The following MINK1 variants were observed in gnomAD, a reference collection of about 807,000 sequenced individuals.
MINK1 encodes the protein misshapen like kinase 1, also known as misshapen-like kinase 1.
A neutral mutation model predicts 178.4 loss-of-function variants in MINK1; 46 were observed. The ratio of observed to expected loss-of-function variants is 0.26; its 90% CI spans 0.20 to 0.33. The LOEUF (loss-of-function observed/expected upper bound fraction) is 0.33. MINK1 is among the 10% of genes least tolerant of loss of function. The probability of loss-of-function intolerance (pLI) is 1.00; values close to 1 mark genes in which losing one functional copy is unlikely to be tolerated. For synonymous variants in MINK1, 797 were observed against 709.7 expected, an observed-to-expected ratio of 1.12 and a Z score of -1.96; for missense variants, 1,366 against 1,814.9, an observed-to-expected ratio of 0.75 and a Z score of 4.49.
Position 4,896,061 on chromosome 17 carries a change from T to C in MINK1, c.3423T>C (p.Tyr1141=). Residue 1141 remains tyrosine (Y), a synonymous_variant, in exon 28 of 32, where the codon TAT becomes TAC. Coordinates refer to ENST00000355280, the MANE Select transcript of MINK1 (RefSeq NM_153827.5). The surrounding 1 kb of genome is among the most constrained non-coding windows in gnomAD (Gnocchi z 4.6). ...VIALKSSVEV[Y]AWAPKPYHKF... is the part of the protein sequence containing the mutation. The stretch of plus-strand genomic sequence containing the variant: ...CCCTCAAGAGCTCCGTGGAGGTGTA[T>C]GCCTGGGCCCCCAAACCCTACCACA... 1 of 1,607,974 alleles carries C rather than the reference T, an allele frequency of 6.2e-7. No homozygotes were observed. Among genetic ancestry groups the C allele is most frequent in the Non-Finnish European group, 8.5e-7 (1 of 1,177,176 alleles).
chr17:4,870,164 G>A (rs368852944), intron 1 of MINK1, among the ~76,000 whole-genome samples: 3 of 151,160 alleles, frequency 2.0e-5, no homozygotes, highest in Non-Finnish European at 2.9e-5. Context: ...CACCTGCCTC[G>A]GCCTCCCAAA....
At chr17:4,850,841 CCCT>C (rs1178210517) in intron 1 of MINK1, among the ~76,000 whole-genome samples, 1 of 152,078 alleles carries the variant, frequency 6.6e-6, no homozygotes, top group Non-Finnish European at 1.5e-5. Context: ...ATTATCCAAC[CCCT>C]CATTACTAGT....
chr17:4,888,899 C>T (rs1356008452), intron 12 of MINK1, among the ~76,000 whole-genome samples: 1 of 151,982 alleles, frequency 6.6e-6, no homozygotes, highest in Non-Finnish European at 1.5e-5. Context: ...AGGGTTTCTG[C>T]ATGTTGGTCA....
intron 1 of MINK1, among the ~76,000 whole-genome samples, chr17:4,840,425 G>A (rs1202559046): frequency 6.6e-6 from 1 of 152,178 alleles, no homozygotes; most frequent in Non-Finnish European, 1.5e-5. Context: ...AAAGTTAAGA[G>A]CATGTATATG....
At position 4,878,343 on chromosome 17, in the gene MINK1, G is replaced by A. The variant is rs1967381121; in HGVS notation, c.84G>A (p.Val28=). The change falls in exon 2 of 32, where the codon GTG becomes GTA. Residue 28 remains valine (V), a synonymous_variant. Transcript: ENST00000355280. Reference sequence around the variant, plus strand: ...ACCCTGCTGGGATCTTTGAGCTTGTGGAGGTGGTCGGCAATGGAACCTACG... The same window carrying A: ...ACCCTGCTGGGATCTTTGAGCTTGTAGAGGTGGTCGGCAATGGAACCTACG... ...LRDPAGIFEL[V]EVVGNGTYGQ... 3 of 1,537,558 alleles carry A rather than the reference G, an allele frequency of 2.0e-6. No homozygotes were observed. The African/African-American group carries it at 4.1e-5, about 21-fold the overall frequency.
At position 4,896,349 on chromosome 17, in the gene MINK1, T is replaced by G; in HGVS notation, c.3615+7T>G. Reference sequence around the variant, plus strand: ...CATCTACATCCCTGTGCACGTGAGCTTGGCGGGGCTGCTGGGGGAGTGGGA... The same window carrying G: ...CATCTACATCCCTGTGCACGTGAGCGTGGCGGGGCTGCTGGGGGAGTGGGA... On this transcript the variant is annotated splice_region_variant and intron_variant, in intron 29 of 31. Coordinates refer to ENST00000355280, the MANE Select transcript of MINK1 (RefSeq NM_153827.5). This position sits in a 1 kb window ranked among gnomAD's most constrained non-coding sequence, Gnocchi z 4.6. 1 of 1,600,306 alleles carries G rather than the reference T, an allele frequency of 6.2e-7. No individual in the cohort carries two copies. Among genetic ancestry groups the G allele is most frequent in the African/African-American group, 1.3e-5 (1 of 74,876 alleles).
At chr17:4,890,882 AGGT>A in intron 14 of MINK1, 66 bp from the exon 15 acceptor site, 1 of 1,544,096 alleles carries the variant, frequency 6.5e-7, no homozygotes, top group Non-Finnish European at 8.8e-7. Flanking sequence ...TAGTTAGGGC[AGGT>A]GGGACCCTCA....
intron 1 of MINK1, chr17:4,859,471 A>C (rs1913765405): frequency 3.8e-6 from 1 of 266,084 alleles, no homozygotes; most frequent in Non-Finnish European, 5.8e-6. Flanking sequence ...AGGTAGAGCC[A>C]GGGGCACTTA....
intron 13 of MINK1, 187 bp from the exon 14 acceptor site, chr17:4,890,330 T>C: frequency 7.0e-7 from 1 of 1,423,518 alleles, no homozygotes. Context: ...CTCAGCGTCC[T>C]CTGGGAAGAT....
At position 4,836,827 on chromosome 17, in the gene MINK1, C is replaced by T. The variant is rs566934327; in HGVS notation, c.57+3187C>T. Among the ~76,000 whole-genome samples, 6 of 152,094 alleles carry T rather than the reference C, an allele frequency of 3.9e-5. No individual in the cohort carries two copies. In the East Asian group the frequency reaches 1.2e-3, roughly 29 times the overall value. Reference sequence around the variant, plus strand: ...TAGCATTCCCTTAGTCTGCTTTATCCTTCCTCATAGTATTTATCACCAGCT... The same window carrying T: ...TAGCATTCCCTTAGTCTGCTTTATCTTTCCTCATAGTATTTATCACCAGCT... On this transcript the variant is annotated intron_variant, in intron 1 of 31. Coordinates refer to ENST00000355280, the MANE Select transcript of MINK1 (RefSeq NM_153827.5). The surrounding 1 kb of genome is among the most constrained non-coding windows in gnomAD (Gnocchi z 4.3).
At chr17:4,892,797 T>C in intron 19 of MINK1, 29 bp downstream of exon 19, 1 of 1,567,410 alleles carries the variant, frequency 6.4e-7, no homozygotes, top group Non-Finnish European at 8.7e-7. Context: ...GGCAGCCTGC[T>C]CTGGGCCTGG....
chr17:4,889,677 C>A lies in MINK1; in HGVS notation c.1261C>A (p.Leu421Met). The change falls in exon 13 of 32, where the codon CTG becomes ATG. Residue 421 changes from leucine (L) to methionine (M), a missense_variant. Physicochemically the swap from Leu to Met is conservative, Grantham distance 15. Around this residue, in one of 14 missense-constraint regions of MINK1, gnomAD observed 87 missense variants for 78.9 expected, o/e 1.10. Coordinates refer to ENST00000355280, the MANE Select transcript of MINK1 (RefSeq NM_153827.5). ...QQRREREQRK[L>M]QEKEQQRRLE... ...GCGGCGGGAGCGGGAGCAGCGGAAG[C>A]TGCAGGAGAAGGAGCAGCAGCGGCG... The A allele has an allele frequency of 6.4e-7, 1 of 1,563,488 alleles. No homozygotes were observed.
chr17:4,863,574 T>G (rs1422106112), intron 1 of MINK1, among the ~76,000 whole-genome samples: 2 of 152,114 alleles, frequency 1.3e-5, no homozygotes, highest in Admixed American at 1.3e-4. Context: ...CAAAGCACAC[T>G]GCAGGCCTTG....
intron 13 of MINK1, chr17:4,890,049 A>T: frequency 2.2e-6 from 1 of 451,168 alleles, no homozygotes; most frequent in South Asian, 2.4e-5. Flanking sequence ...TCTGTGCCGC[A>T]TGGCCCCCTG....
At chr17:4,860,093 G>C (rs887736171) in intron 1 of MINK1, among the ~76,000 whole-genome samples, 1 of 152,126 alleles carries the variant, frequency 6.6e-6, no homozygotes, top group Non-Finnish European at 1.5e-5. Context: ...TGCCGCATGC[G>C]GAGCGGGGTA....
chr17:4,839,418 A>G (rs969031415), intron 1 of MINK1, among the ~76,000 whole-genome samples: 6 of 152,274 alleles, frequency 3.9e-5, no homozygotes, highest in Non-Finnish European at 7.3e-5. Flanking sequence ...TTTTACTACT[A>G]TCTGTCTCAG....
intron 1 of MINK1, among the ~76,000 whole-genome samples, chr17:4,838,375 TTAAGA>T (rs1171366472): frequency 6.6e-6 from 1 of 152,068 alleles, no homozygotes; most frequent in Non-Finnish European, 1.5e-5. Flanking sequence ...GTTTTGACAG[TTAAGA>T]TAACAGTAAG....
At chr17:4,880,299 T>A (rs534510081) in intron 2 of MINK1, among the ~76,000 whole-genome samples, 102 of 149,830 alleles carry the variant, frequency 6.8e-4, no homozygotes, top group Non-Finnish European at 1.1e-3. Context: ...TTTTTTCTTT[T>A]CTTTTTTTTT....
At position 4,891,142 on chromosome 17, in the gene MINK1, CCT is replaced by C. The variant is rs1014500402; in HGVS notation, c.1740+19_1740+20del. The C allele has an allele frequency of 2.0e-5, 30 of 1,493,090 alleles. No homozygotes were observed. The highest frequency in any genetic ancestry group is 5.7e-5 in the African/African-American group (4 of 70,750). 92.5% of individuals were successfully genotyped at this position (1,493,090 alleles called of 1,614,324 possible). A position where few individuals can be genotyped will look rare whatever the true frequency, so the allele number is the denominator to read the frequency against. ...CGCACAAGGTGAGTCTCTCCCCACC[CCT>C]GTCTTAATGAAGACACAGGGAGCTT... On this transcript the variant is annotated intron_variant, in intron 15 of 31. Transcript: ENST00000355280.
Sources: gnomAD v4.1 joint callset for allele counts (sites outside exome capture counted in the v4.1 genomes callset) on GRCh38, gnomAD v4.1.1 for gene constraint, gnomAD v4.1.1 regional missense constraint, Gnocchi (gnomAD v3.1) non-coding constraint, MANE v1.5 for transcripts, NCBI Gene and HGNC (gene_info 2026-07-23, HGNC 2026-07-21) for gene names.